PIGG: variants seen among roughly 807,000 people sequenced by gnomAD.
PIGG encodes phosphatidylinositol glycan anchor biosynthesis class G (EMM blood group), also known as GPI ethanolamine phosphate transferase 2, catalytic subunit.
PIGG carries 70 observed loss-of-function variants against 83.2 expected under a neutral mutation model. The ratio of observed to expected loss-of-function variants is 0.84; its 90% CI spans 0.69 to 1.03. PIGG has a LOEUF of 1.03. Ranked by LOEUF, PIGG falls within the 50% of genes least tolerant of loss-of-function variation. The pLI is 0.00. For missense variants in PIGG, 1,257 were observed against 1,233.6 expected, an observed-to-expected ratio of 1.02 and a Z score of -0.28; for synonymous variants, 532 against 519.5, an observed-to-expected ratio of 1.02 and a Z score of -0.33.
intron 1 of PIGG, 78 bp downstream of exon 1, chr4:499,567 C>A: frequency 6.8e-7 from 1 of 1,465,106 alleles, no homozygotes; most frequent in South Asian, 1.3e-5. Flanking sequence ...CCTCGCTGCT[C>A]GGATTTCTTC....
intron 1 of PIGG, 161 bp downstream of exon 1, chr4:499,650 T>G: frequency 1.4e-6 from 2 of 1,417,928 alleles, no homozygotes; most frequent in South Asian, 3.2e-5. Flanking sequence ...CCAGCGTCTC[T>G]TTTCTGTATT....
At chr4:535,820 A>T (rs1195341631) in intron 12 of PIGG, among the ~76,000 whole-genome samples, 3 of 151,926 alleles carry the variant, frequency 2.0e-5, no homozygotes, top group Non-Finnish European at 4.4e-5. Flanking sequence ...TCTCAGCTCC[A>T]CGCAGGTCCT....
At chr4:508,998 G>A (rs1553881649) in intron 5 of PIGG, 28 bp downstream of exon 5, 1 of 1,584,736 alleles carries the variant, frequency 6.3e-7, no homozygotes, top group Admixed American at 1.7e-5. Flanking sequence ...TTAACAGTTG[G>A]AAATTGTATT....
At chr4:509,024 A>G in intron 5 of PIGG, 54 bp downstream of exon 5, 4 of 1,491,590 alleles carry the variant, frequency 2.7e-6, no homozygotes, top group South Asian at 2.4e-5. Context: ...TGTTTTCTAT[A>G]GTCTGGTTTT....
At position 521,174 on chromosome 4, in the gene PIGG, G is replaced by A. The variant is rs751820711; in HGVS notation, c.1233G>A (p.Gln411=). 1.2e-6 allele frequency: 2 copies of A among 1,614,076 alleles called. No homozygotes were observed. Among genetic ancestry groups the A allele is most frequent in the Non-Finnish European group, 1.7e-6 (2 of 1,179,956 alleles). ...LFNLGSKVLR[Q]YLDALKTLSL... is the part of the protein sequence containing the mutation. ...ACCTGGGCTCCAAGGTTCTCAGGCAGTACCTGGATGCTCTGAAGACGCTGA... is the reference window on the plus strand; with the variant it reads ...ACCTGGGCTCCAAGGTTCTCAGGCAATACCTGGATGCTCTGAAGACGCTGA... Residue 411 remains glutamine (Q), a synonymous_variant, in exon 7 of 13, where the codon CAG becomes CAA. Transcript: ENST00000453061.
chr4:523,601 GTCT>G lies in PIGG; in HGVS notation c.1758_1760del (p.Cys586_Leu587delinsTer). 6.2e-7 allele frequency: 1 copy of G among 1,614,176 alleles called. No homozygotes were observed. Among genetic ancestry groups the G allele is most frequent in the Non-Finnish European group, 8.5e-7 (1 of 1,180,034 alleles). Reference sequence around the variant, plus strand: ...TGGTACTTCCTTGTGAACACCCTGTGTCTAGCTCTGAGCCAAGAAACCTACAGA... The same window carrying G: ...TGGTACTTCCTTGTGAACACCCTGTGAGCTCTGAGCCAAGAAACCTACAGA... On this transcript the variant is annotated stop_gained and inframe_deletion, in exon 9 of 13. Coordinates refer to ENST00000453061, the MANE Select transcript of PIGG (RefSeq NM_001127178.3). LOFTEE classifies it high-confidence loss of function.
intron 9 of PIGG, 134 bp downstream of exon 9, chr4:524,047 G>GA: frequency 1.6e-6 from 1 of 609,090 alleles, no homozygotes; most frequent in Non-Finnish European, 2.8e-6. Context: ...GAAGAATTGG[G>GA]AAAATACACT....
In PIGG at chr4:516,854, CAAA is replaced by C. The variant is rs1178401194; in HGVS notation, c.1114+691_1114+693del. On this transcript the variant is annotated intron_variant, in intron 6 of 12. Coordinates refer to ENST00000453061, the MANE Select transcript of PIGG (RefSeq NM_001127178.3). ...CTGGCAACAGAGCAAGACTCTGCCT[CAAA>C]AAAAAAAAAAAAAAAAAAAAAGAAG... 5.4e-3 allele frequency among the ~76,000 whole-genome samples: 252 copies of C among 46,506 alleles called. 2 individuals carry two copies. The highest frequency in any genetic ancestry group is 0.02 in the African/African-American group (231 of 11,746). The allele number at this position is 46,506 out of a possible 152,430, so 30.5% of individuals were successfully genotyped here. A position where few individuals can be genotyped will look rare whatever the true frequency, so the allele number is the denominator to read the frequency against.
intron 11 of PIGG, chr4:532,034 T>C (rs1729195952): frequency 6.6e-6 from 1 of 152,364 alleles, no homozygotes; most frequent in Non-Finnish European, 1.5e-5. Flanking sequence ...CCGCTGCCCC[T>C]CAGTGTTAGA....
At chr4:511,296 TAA>T (rs1191304904) in intron 5 of PIGG, among the ~76,000 whole-genome samples, 25 of 128,270 alleles carry the variant, frequency 1.9e-4, no homozygotes, top group Non-Finnish European at 1.8e-4. Flanking sequence ...TCCCCATCTT[TAA>T]AAAAAAAAAA....
At chr4:507,300 C>T (rs1553880032) in intron 3 of PIGG, 105 bp from the exon 4 acceptor site, 5 of 872,800 alleles carry the variant, frequency 5.7e-6, no homozygotes, top group African/African-American at 3.4e-5. Context: ...AATCCTGTAA[C>T]CTGAATAAAC....
chr4:523,648 G>A lies in PIGG; in HGVS notation c.1804G>A (p.Asp602Asn), dbSNP rs752010389. The change falls in exon 9 of 13, where the codon GAC (aspartate) becomes AAC (asparagine). Residue 602 changes from aspartate (D) to asparagine (N), a missense_variant. Asp to Asn is a conservative substitution (Grantham distance 23). Transcript: ENST00000453061. ...CTACAGAAACTACTTTCTGGGAGAT[G>A]ACGGTGAGCCTCCGTGTGGCCTCTG... is the stretch of plus-strand genomic sequence containing the variant. ...ETYRNYFLGD[D>N]GEPPCGLCVE... 1 of 1,614,240 alleles carries A rather than the reference G, an allele frequency of 6.2e-7. No individual in the cohort carries two copies. Among genetic ancestry groups the A allele is most frequent in the South Asian group, 1.1e-5 (1 of 91,086 alleles).
intron 6 of PIGG, among the ~76,000 whole-genome samples, chr4:520,358 C>T (rs901583372): frequency 1.3e-5 from 2 of 152,224 alleles, no homozygotes; most frequent in African/African-American, 2.4e-5. Context: ...TCAGCTGTGC[C>T]GTGAGCAGCA....
At chr4:511,687 T>C (rs1157541010) in intron 5 of PIGG, among the ~76,000 whole-genome samples, 1 of 152,262 alleles carries the variant, frequency 6.6e-6, no homozygotes, top group Non-Finnish European at 1.5e-5. Context: ...TGATTACCTT[T>C]ACTGATGCTC....
intron 2 of PIGG, among the ~76,000 whole-genome samples, chr4:505,395 A>C (rs1299724357): frequency 7.0e-6 from 1 of 143,484 alleles, no homozygotes. Context: ...CTTTATGCTC[A>C]CCTATTTTAT....
intron 5 of PIGG, among the ~76,000 whole-genome samples, chr4:512,360 C>T (rs1277650806): frequency 1.3e-5 from 2 of 151,176 alleles, no homozygotes; most frequent in Admixed American, 6.6e-5. Flanking sequence ...GCTGGGATTA[C>T]AGGCACCCAC....
In PIGG at chr4:539,203, T is replaced by C. The variant is rs889621905; in HGVS notation, c.2786T>C (p.Ile929Thr). Reference protein sequence around the residue: ...ACFCYALICSIPVFTYIVLVT... With the variant: ...ACFCYALICSTPVFTYIVLVT... ...TTCTGCTACGCACTGATTTGTTCTA[T>C]TCCAGTTTTCACGTACATCGTTTTG... is the stretch of plus-strand genomic sequence containing the variant. The change falls in exon 13 of 13, where the codon ATT becomes ACT. Residue 929 changes from isoleucine (I) to threonine (T), a missense_variant. Physicochemically the swap from Ile to Thr is moderately conservative, Grantham distance 89 (BLOSUM62 -1). Transcript: ENST00000453061. 8 of 1,613,708 alleles carry C rather than the reference T, an allele frequency of 5.0e-6. No individual in the cohort carries two copies. Among genetic ancestry groups the C allele is most frequent in the Non-Finnish European group, 6.8e-6 (8 of 1,179,588 alleles).
intron 3 of PIGG, among the ~76,000 whole-genome samples, chr4:506,436 A>G (rs185965037): frequency 5.3e-5 from 8 of 152,300 alleles, no homozygotes; most frequent in Admixed American, 1.3e-4. Context: ...CATGTTAGAA[A>G]GCAGACCTGG....
At chr4:519,601 CAT>C (rs1180732209) in intron 6 of PIGG, among the ~76,000 whole-genome samples, 1 of 152,260 alleles carries the variant, frequency 6.6e-6, no homozygotes, top group African/African-American at 2.4e-5. Context: ...ATCCCTGCCT[CAT>C]AGGGTCATTA....
Sources: gnomAD v4.1 joint callset for allele counts (sites outside exome capture counted in the v4.1 genomes callset) on GRCh38, gnomAD v4.1.1 for gene constraint, MANE v1.5 for transcripts, NCBI Gene and HGNC (gene_info 2026-07-23, HGNC 2026-07-21) for gene names.